Variants in UNC13C observed in about 807,000 individuals in gnomAD.
The protein encoded by UNC13C is unc-13 homolog C, also known as protein unc-13 homolog C.
UNC13C carries 174 observed loss-of-function variants against 245.4 expected under a neutral mutation model. The observed-to-expected ratio is 0.71, with a 90% CI of 0.63 to 0.80. The LOEUF (loss-of-function observed/expected upper bound fraction) is 0.80. Among genes scored for constraint, UNC13C ranks in the 30% least tolerant of loss-of-function variants. The pLI is 0.00. For missense variants in UNC13C, 2,829 were observed against 2,602.9 expected, an observed-to-expected ratio of 1.09 and a Z score of -1.89; for synonymous variants, 992 against 895.1, an observed-to-expected ratio of 1.11 and a Z score of -1.93.
intron 2 of UNC13C, among the ~76,000 whole-genome samples, chr15:54,092,248 C>A (rs144414933): frequency 1.8e-4 from 27 of 152,172 alleles, no homozygotes; most frequent in Non-Finnish European, 3.7e-4. Flanking sequence ...ATTATGGAGT[C>A]AAGTATTTAA....
At chr15:54,193,885 A>G (rs964436747) in intron 4 of UNC13C, among the ~76,000 whole-genome samples, 6 of 152,150 alleles carry the variant, frequency 3.9e-5, no homozygotes, top group African/African-American at 1.4e-4. Context: ...TCAAAGTGAC[A>G]TCTGAATTAA....
At chr15:54,331,512 A>G (rs2038435266) in intron 14 of UNC13C, among the ~76,000 whole-genome samples, 1 of 152,008 alleles carries the variant, frequency 6.6e-6, no homozygotes, top group Admixed American at 6.6e-5. Context: ...TGATCCTTTC[A>G]GATATGAAGT....
intron 24 of UNC13C, among the ~76,000 whole-genome samples, chr15:54,520,482 T>C (rs913450803): frequency 2.0e-5 from 3 of 152,132 alleles, no homozygotes; most frequent in Admixed American, 6.6e-5. Context: ...CTGTTAAGAA[T>C]GTTGATAATA....
At chr15:54,546,884 T>C (rs1273786154) in intron 27 of UNC13C, 39 bp downstream of exon 27, 1 of 1,532,546 alleles carries the variant, frequency 6.5e-7, no homozygotes, top group Non-Finnish European at 8.8e-7. Context: ...CATTAACCCA[T>C]CTGTTTTTGG....
the UNC13C span, among the ~76,000 whole-genome samples, chr15:53,950,996 A>G: frequency 2.6e-5 from 4 of 152,194 alleles, no homozygotes; most frequent in East Asian, 7.7e-4. Flanking sequence ...CTGCTCTGTG[A>G]TTCTCACGGT....
chr15:53,862,782 T>C, the UNC13C span, among the ~76,000 whole-genome samples: 1 of 152,128 alleles, frequency 6.6e-6, no homozygotes, highest in African/African-American at 2.4e-5. Flanking sequence ...TTAAACCTAA[T>C]TGTCTCTCAA....
intron 2 of UNC13C, among the ~76,000 whole-genome samples, chr15:54,116,954 T>TA (rs562515841): frequency 5.3e-5 from 8 of 152,174 alleles, no homozygotes; most frequent in Non-Finnish European, 1.0e-4. Flanking sequence ...ATCTTTTTGA[T>TA]AAAAAACTGT....
At chr15:54,003,022 G>A (rs928094975) in intron 1 of UNC13C, among the ~76,000 whole-genome samples, 1 of 152,104 alleles carries the variant, frequency 6.6e-6, no homozygotes, top group Admixed American at 6.5e-5. Flanking sequence ...TGTACAATTT[G>A]AGGATCAGTG....
At chr15:54,215,855 G>A (rs911182790) in intron 4 of UNC13C, among the ~76,000 whole-genome samples, 4 of 151,918 alleles carry the variant, frequency 2.6e-5, no homozygotes, top group African/African-American at 4.8e-5. Flanking sequence ...TGCCAGACTA[G>A]TCTTCTTAAA....
At chr15:54,094,772 G>T (rs1216415044) in intron 2 of UNC13C, among the ~76,000 whole-genome samples, 1 of 152,038 alleles carries the variant, frequency 6.6e-6, no homozygotes, top group Non-Finnish European at 1.5e-5. Context: ...CCCAGTTAAG[G>T]CCTGTGCAGC....
At chr15:54,130,768 G>A (rs989412863) in intron 2 of UNC13C, among the ~76,000 whole-genome samples, 1 of 151,976 alleles carries the variant, frequency 6.6e-6, no homozygotes, top group Non-Finnish European at 1.5e-5. Context: ...CTCCACTTCC[G>A]TAGTTAATTC....
chr15:54,116,198 T>G (rs1475917582), intron 2 of UNC13C, among the ~76,000 whole-genome samples: 1 of 152,178 alleles, frequency 6.6e-6, no homozygotes, highest in Non-Finnish European at 1.5e-5. Context: ...CTAGCACTTT[T>G]CTTTAATGTG....
At chr15:54,231,635 G>A (rs907052620) in intron 4 of UNC13C, among the ~76,000 whole-genome samples, 1 of 152,042 alleles carries the variant, frequency 6.6e-6, no homozygotes, top group Non-Finnish European at 1.5e-5. Context: ...ACAAATATTA[G>A]CATTATATCT....
At chr15:54,104,055 G>C (rs1452466818) in intron 2 of UNC13C, among the ~76,000 whole-genome samples, 1 of 152,216 alleles carries the variant, frequency 6.6e-6, no homozygotes, top group African/African-American at 2.4e-5. Context: ...ACGTAGACCT[G>C]TTAAGATATT....
At chr15:54,038,006 T>C (rs888864655) in intron 2 of UNC13C, among the ~76,000 whole-genome samples, 1 of 148,878 alleles carries the variant, frequency 6.7e-6, no homozygotes, top group Non-Finnish European at 1.5e-5. Flanking sequence ...ATTTTAAAAT[T>C]AATATTTAAT....
chr15:54,448,504 A>T (rs1890963742), intron 19 of UNC13C, among the ~76,000 whole-genome samples: 1 of 152,062 alleles, frequency 6.6e-6, no homozygotes, highest in African/African-American at 2.4e-5. Context: ...CTTCTTGTTG[A>T]ATTGATCCCT....
chr15:54,517,672 A>G (rs372156925), intron 24 of UNC13C, among the ~76,000 whole-genome samples: 5 of 152,298 alleles, frequency 3.3e-5, no homozygotes, highest in African/African-American at 1.2e-4. Flanking sequence ...CATTCAACAA[A>G]TATTTATTTG....
intron 2 of UNC13C, among the ~76,000 whole-genome samples, chr15:54,027,179 AAAG>A (rs1297530357): frequency 5.3e-5 from 6 of 112,918 alleles, no homozygotes; most frequent in Admixed American, 9.4e-5. Context: ...TGAGAAAAAA[AAAG>A]AAAAAAAAAA....
At chr15:54,063,046 AAG>A (rs1222582235) in intron 2 of UNC13C, among the ~76,000 whole-genome samples, 4 of 152,206 alleles carry the variant, frequency 2.6e-5, no homozygotes, top group African/African-American at 9.6e-5. Flanking sequence ...GGAATAGATG[AAG>A]AGAAAACCTG....
Sources: gnomAD v4.1 joint callset for allele counts (sites outside exome capture counted in the v4.1 genomes callset) on GRCh38, gnomAD v4.1.1 for gene constraint, MANE v1.5 for transcripts, NCBI Gene and HGNC (gene_info 2026-07-23, HGNC 2026-07-21) for gene names.